Variants in DNAJC10 observed in about 807,000 individuals in gnomAD.
DNAJC10 encodes endoplasmic reticulum disulfide reductase DNAJC10.
In DNAJC10, 101 loss-of-function variants were observed where a neutral mutation model predicts 115.0. The observed-to-expected ratio is 0.88, with a 90% confidence interval of 0.75 to 1.04. The LOEUF (loss-of-function observed/expected upper bound fraction) is 1.04, where lower values mean the gene tolerates loss of function less well. Among genes scored for constraint, DNAJC10 ranks in the 50% least tolerant of loss-of-function variants. DNAJC10 has a pLI of 0.00. For synonymous variants in DNAJC10, 307 were observed against 301.5 expected (o/e 1.02, Z -0.19); for missense variants, 981 against 928.8 (o/e 1.06, Z -0.73).
At chr2:182,730,546 C>T (rs777404212) in intron 8 of DNAJC10, 24 of 452,626 alleles carry the variant, frequency 5.3e-5, no homozygotes, top group Admixed American at 9.5e-5. Context: ...CTTAAGGGAG[C>T]ATAAGATGTG....
intron 5 of DNAJC10, among the ~76,000 whole-genome samples, chr2:182,723,064 G>C (rs1693194734): frequency 7.6e-6 from 1 of 132,116 alleles, no homozygotes; most frequent in Non-Finnish European, 1.6e-5. Context: ...TTTTGAGACG[G>C]AGTCTTGCTT....
chr2:182,723,661 A>G (rs897061512), intron 5 of DNAJC10, among the ~76,000 whole-genome samples: 5 of 152,190 alleles, frequency 3.3e-5, no homozygotes, highest in African/African-American at 1.2e-4. Flanking sequence ...TTGTGTACCA[A>G]TGGTTCAGAA....
intron 21 of DNAJC10, among the ~76,000 whole-genome samples, chr2:182,761,938 CAA>C (rs904222372): frequency 4.0e-5 from 6 of 151,748 alleles, no homozygotes; most frequent in Non-Finnish European, 8.8e-5. Flanking sequence ...GTAAGAAAGC[CAA>C]GAGAGAGTAG....
chr2:182,749,863 C>G (rs549910300), intron 14 of DNAJC10, among the ~76,000 whole-genome samples: 39 of 152,250 alleles, frequency 2.6e-4, no homozygotes, highest in Non-Finnish European at 4.3e-4. Context: ...CGGATTTTCT[C>G]ATGAGGTTGC....
chr2:182,753,696 C>T (rs1334512433), intron 16 of DNAJC10, among the ~76,000 whole-genome samples: 1 of 150,926 alleles, frequency 6.6e-6, no homozygotes, highest in East Asian at 1.9e-4. Context: ...CATTCTCCTC[C>T]CTTAGCCTGC....
chr2:182,755,419 T>C (rs1694132436), intron 17 of DNAJC10, among the ~76,000 whole-genome samples: 1 of 150,378 alleles, frequency 6.6e-6, no homozygotes, highest in Non-Finnish European at 1.5e-5. Flanking sequence ...AAAACAAGTG[T>C]CTGGCATCTA....
At chr2:182,748,381 G>T (rs1693925758) in intron 14 of DNAJC10, among the ~76,000 whole-genome samples, 1 of 152,140 alleles carries the variant, frequency 6.6e-6, no homozygotes, top group Non-Finnish European at 1.5e-5. Flanking sequence ...TGTTTGGTAA[G>T]CTATTGATTA....
At chr2:182,742,842 G>GT (rs937209952) in intron 13 of DNAJC10, among the ~76,000 whole-genome samples, 43 of 147,834 alleles carry the variant, frequency 2.9e-4, no homozygotes, top group South Asian at 4.4e-4. Flanking sequence ...CTTTTTCTTT[G>GT]TTTTTTTTTC....
intron 3 of DNAJC10, among the ~76,000 whole-genome samples, chr2:182,719,311 A>C (rs948081997): frequency 3.0e-5 from 4 of 132,180 alleles, no homozygotes; most frequent in South Asian, 2.3e-4. Flanking sequence ...ACTGGAGTGC[A>C]GTGACGCCAG....
intron 3 of DNAJC10, among the ~76,000 whole-genome samples, chr2:182,719,355 G>A (rs1490476282): frequency 6.9e-6 from 1 of 145,320 alleles, no homozygotes; most frequent in Non-Finnish European, 1.5e-5. Context: ...ACAGGCTTAA[G>A]CAATTCCCCT....
intron 21 of DNAJC10, among the ~76,000 whole-genome samples, chr2:182,761,411 T>G (rs1055282205): frequency 2.0e-5 from 3 of 152,174 alleles, no homozygotes; most frequent in African/African-American, 7.2e-5. Context: ...TGTGTCTGCC[T>G]ACATGCTTGT....
intron 9 of DNAJC10, 22 bp downstream of exon 9, chr2:182,731,129 G>A (rs753346591): frequency 1.3e-6 from 2 of 1,564,814 alleles, no homozygotes; most frequent in East Asian, 4.5e-5. Flanking sequence ...TTTTAATTTT[G>A]TTGGAATGAG....
chr2:182,745,139 G>A (rs184269373), intron 14 of DNAJC10, among the ~76,000 whole-genome samples: 6 of 152,292 alleles, frequency 3.9e-5, no homozygotes, highest in African/African-American at 1.2e-4. Flanking sequence ...TAGCATAGAA[G>A]CAATAATCTC....
chr2:182,759,828 C>T (rs553918305), intron 21 of DNAJC10, among the ~76,000 whole-genome samples: 12 of 152,184 alleles, frequency 7.9e-5, no homozygotes, highest in African/African-American at 2.6e-4. Context: ...GCTCAGGCCT[C>T]ACAGTGGGCC....
At position 182,744,462 on chromosome 2, in the gene DNAJC10, GACA is replaced by G. The variant is rs572208977; in HGVS notation, c.1306+755_1306+757del. Among the ~76,000 whole-genome samples the G allele has an allele frequency of 3.9e-5, 6 of 152,272 alleles. No homozygotes were observed. The East Asian group carries it at 9.6e-4, about 24-fold the overall frequency. On this transcript the variant is annotated intron_variant, in intron 14 of 23. Coordinates refer to ENST00000264065, the MANE Select transcript of DNAJC10 (RefSeq NM_018981.4). The stretch of plus-strand genomic sequence containing the variant: ...ACTTTAATGGTCATTGTATATTAAT[GACA>G]ACAAGATCAAATAGATTTCTGCATA...
chr2:182,758,420 A>G (rs867757426), intron 19 of DNAJC10, among the ~76,000 whole-genome samples: 1 of 152,172 alleles, frequency 6.6e-6, no homozygotes, highest in Non-Finnish European at 1.5e-5. Context: ...GGATTTCAAG[A>G]GAGGAAAGGG....
rs1390841585 is a variant in DNAJC10 at position 182,747,830 on chromosome 2, A to T, written c.1307-3828A>T. 8.4e-4 allele frequency among the ~76,000 whole-genome samples: 125 copies of T among 148,794 alleles called. 1 individual carries two copies. The highest frequency in any genetic ancestry group is 2.9e-3 in the African/African-American group (118 of 40,052). On this transcript the variant is annotated intron_variant, in intron 14 of 23. Coordinates refer to ENST00000264065, the MANE Select transcript of DNAJC10 (RefSeq NM_018981.4). ...GCCAGTTTTCAAAGGGAATGCTTCC[A>T]GTTTTTGCCCATTCAGTATGATATT...
intron 11 of DNAJC10, 124 bp downstream of exon 11, chr2:182,736,510 T>C (rs1179092681): frequency 1.7e-6 from 1 of 595,780 alleles, no homozygotes; most frequent in African/African-American, 1.9e-5. Context: ...TGTGGAACCC[T>C]TATTTAGAAC....
rs1553498388 is a variant in DNAJC10 at position 182,793,819 on chromosome 2, A to ATCAC, written c.*16688_*16691dup. 4.5e-5 allele frequency: 3 copies of ATCAC among 67,272 alleles called. No individual in the cohort carries two copies. The highest frequency in any genetic ancestry group is 2.3e-4 in the African/African-American group (3 of 12,990). The allele number at this position is 67,272 out of a possible 1,614,324, so 4.2% of individuals were successfully genotyped here. A position where few individuals can be genotyped will look rare whatever the true frequency, so the allele number is the denominator to read the frequency against. On this transcript the variant is annotated 3_prime_UTR_variant, in exon 24 of 24. Transcript: ENST00000264065. ...CTAAAATTTTCCAGAGAGGAAACAC[A>ATCAC]TCACACACACACACACACACACACA...
Sources: gnomAD v4.1 joint callset for allele counts (sites outside exome capture counted in the v4.1 genomes callset) on GRCh38, gnomAD v4.1.1 for gene constraint, MANE v1.5 for transcripts, NCBI Gene and HGNC (gene_info 2026-07-23, HGNC 2026-07-21) for gene names.